Variants in ANK3 observed in about 807,000 individuals in gnomAD.
ANK3 encodes ankyrin-3.
A neutral mutation model predicts 370.9 loss-of-function variants in ANK3; 57 were observed. The ratio of observed to expected loss-of-function variants is 0.15; its 90% CI spans 0.12 to 0.19. The LOEUF is 0.19. ANK3 is among the 10% of genes least tolerant of loss of function. The pLI is 1.00. For missense variants in ANK3, 4,439 were observed against 5,302.1 expected (o/e 0.84, Z 5.06); for synonymous variants, 1,929 against 1,946.3 (o/e 0.99, Z 0.23).
intron 25 of ANK3, among the ~76,000 whole-genome samples, chr10:60,115,914 T>C (rs574338395): frequency 6.6e-6 from 1 of 152,120 alleles, no homozygotes; most frequent in East Asian, 1.9e-4. Flanking sequence ...TAAAAGGTAT[T>C]AGCCCACAGA....
chr10:60,498,713 C>T (rs1037656770), intron 2 of ANK3, among the ~76,000 whole-genome samples: 9 of 152,280 alleles, frequency 5.9e-5, no homozygotes, highest in Middle Eastern at 6.8e-3. Flanking sequence ...TTAATGCACA[C>T]ACTAACTCTT....
intron 43 of ANK3, among the ~76,000 whole-genome samples, 154 bp from the exon 44 acceptor site, chr10:60,029,980 GGGTGGTTTAACATGATGCTGCT>G (rs1207819393): frequency 6.9e-6 from 1 of 145,474 alleles, no homozygotes. Flanking sequence ...ATTCCCTATG[GGGTGGTTTAACATGATGCTGCT>G]ACCTGCTAGA....
At chr10:60,684,095 T>C (rs1213456136) in intron 1 of ANK3, among the ~76,000 whole-genome samples, 2 of 152,132 alleles carry the variant, frequency 1.3e-5, no homozygotes, top group Non-Finnish European at 2.9e-5. Flanking sequence ...TCAAAATAGG[T>C]GGGTGATCAT....
intron 2 of ANK3, among the ~76,000 whole-genome samples, chr10:60,417,572 G>T (rs141800322): frequency 6.6e-6 from 1 of 152,200 alleles, no homozygotes; most frequent in Admixed American, 6.5e-5. Flanking sequence ...TGAAGAAAAA[G>T]ATATAAGTGA....
At chr10:60,290,557 T>C (rs1395707157) in intron 1 of ANK3, among the ~76,000 whole-genome samples, 3 of 152,156 alleles carry the variant, frequency 2.0e-5, no homozygotes, top group Admixed American at 6.5e-5. Context: ...ATAATCACTG[T>C]CAAAACTAAC....
intron 2 of ANK3, among the ~76,000 whole-genome samples, chr10:60,397,708 T>C (rs1164809829): frequency 6.6e-6 from 1 of 152,208 alleles, no homozygotes; most frequent in African/African-American, 2.4e-5. Context: ...AGTTTCATGT[T>C]ATATGTTCCA....
At chr10:60,051,340 A>T in intron 42 of ANK3, 1 of 278,678 alleles carries the variant, frequency 3.6e-6, no homozygotes, top group Non-Finnish European at 5.4e-6. Context: ...TCAAGGGTGC[A>T]AAAAAATTAC....
intron 25 of ANK3, among the ~76,000 whole-genome samples, chr10:60,126,283 T>G (rs780275801): frequency 2.6e-5 from 4 of 152,182 alleles, no homozygotes; most frequent in Non-Finnish European, 5.9e-5. Context: ...ATTCCTCTCT[T>G]TTCACAGATG....
At chr10:60,101,884 G>GACAT (rs1258977922) in intron 28 of ANK3, among the ~76,000 whole-genome samples, 1 of 151,984 alleles carries the variant, frequency 6.6e-6, no homozygotes, top group Non-Finnish European at 1.5e-5. Context: ...AATACCAGCT[G>GACAT]ACATATATGT....
intron 1 of ANK3, among the ~76,000 whole-genome samples, chr10:60,385,613 T>C (rs2062152715): frequency 6.6e-6 from 1 of 152,166 alleles, no homozygotes; most frequent in African/African-American, 2.4e-5. Context: ...TCCTGCTCTG[T>C]CACTGATTAA....
rs1042164383 is a variant in ANK3 at position 60,029,438 on chromosome 10, G to A, written c.*408C>T. 1 of 152,612 alleles carries A rather than the reference G, an allele frequency of 6.6e-6. No individual in the cohort carries two copies. The highest frequency in any genetic ancestry group is 1.5e-5 in the Non-Finnish European group (1 of 68,032). The allele number at this position is 152,612 out of a possible 1,614,324, so 9.5% of individuals were successfully genotyped here. Reference sequence around the variant, plus strand: ...TTTGGGTCCAAGAAAAATAAGGCGAGCTGTTGTAGATTTAGTAATTTTAGT... The same window carrying A: ...TTTGGGTCCAAGAAAAATAAGGCGAACTGTTGTAGATTTAGTAATTTTAGT... On this transcript the variant is annotated 3_prime_UTR_variant, in exon 44 of 44. Transcript: ENST00000280772.
intron 2 of ANK3, among the ~76,000 whole-genome samples, chr10:60,442,096 C>CT (rs34573283): frequency 0.11 from 15,363 of 134,908 alleles, 1,098 homozygotes; most frequent in South Asian, 0.17. Context: ...CTCCCATATA[C>CT]TTTTTTTTTT....
intron 7 of ANK3, among the ~76,000 whole-genome samples, chr10:60,251,136 T>C (rs1466789637): frequency 2.0e-5 from 3 of 152,242 alleles, no homozygotes; most frequent in Non-Finnish European, 4.4e-5. Context: ...TACTTGCTAC[T>C]GTACCTGGCA....
intron 1 of ANK3, among the ~76,000 whole-genome samples, chr10:60,682,309 A>T (rs928673465): frequency 6.6e-6 from 1 of 152,176 alleles, no homozygotes; most frequent in African/African-American, 2.4e-5. Flanking sequence ...GGCACGTGCA[A>T]CACCAAATCG....
chr10:60,455,887 G>A lies in ANK3; in HGVS notation c.96+159299C>T, dbSNP rs566631642. On this transcript the variant is annotated intron_variant, in intron 2 of 43. Coordinates refer to the ANK3 transcript ENST00000373827. ...AAGAGTCACTCCCCTTGGGAGATGC[G>A]ATGGATGATATGGGTGAAGGTATGT... Among the ~76,000 whole-genome samples the A allele has an allele frequency of 3.7e-4, 57 of 152,260 alleles. 1 individual carries two copies. The highest frequency in any genetic ancestry group is 4.9e-4 in the Non-Finnish European group (33 of 68,012).
chr10:60,451,850 T>C (rs1052944670), intron 2 of ANK3, among the ~76,000 whole-genome samples: 22 of 152,124 alleles, frequency 1.4e-4, no homozygotes, highest in African/African-American at 4.6e-4. Context: ...AACTGAGTGA[T>C]TTTTGCCACC....
chr10:60,375,706 T>C (rs1375531796), intron 1 of ANK3, among the ~76,000 whole-genome samples: 1 of 152,160 alleles, frequency 6.6e-6, no homozygotes, highest in Admixed American at 6.5e-5. Flanking sequence ...TACTAGAAAT[T>C]TGGCTCTGGT....
intron 2 of ANK3, among the ~76,000 whole-genome samples, chr10:60,493,966 GATA>G: frequency 6.6e-6 from 1 of 152,148 alleles, no homozygotes; most frequent in African/African-American, 2.4e-5. Context: ...TATTAATCAT[GATA>G]ATATCATTTC....
At chr10:60,163,215 A>G (rs16914812) in intron 23 of ANK3, among the ~76,000 whole-genome samples, 87,596 of 151,980 alleles carry the variant, frequency 0.58, 25,541 homozygotes, top group South Asian at 0.63. Context: ...TAGCACTACA[A>G]TCAAGATACT....
Sources: gnomAD v4.1 joint callset for allele counts (sites outside exome capture counted in the v4.1 genomes callset) on GRCh38, gnomAD v4.1.1 for gene constraint, MANE v1.5 for transcripts, NCBI Gene and HGNC (gene_info 2026-07-23, HGNC 2026-07-21) for gene names.